The following MRPL21 variants were observed in gnomAD, a reference collection of about 807,000 sequenced individuals.
The protein encoded by MRPL21 is mitochondrial ribosomal protein L21, also known as large ribosomal subunit protein bL21m.
A neutral mutation model predicts 27.3 loss-of-function variants in MRPL21; 20 were observed. The ratio of observed to expected loss-of-function variants is 0.73; its 90% CI spans 0.52 to 1.06. The LOEUF (loss-of-function observed/expected upper bound fraction) is 1.06, where lower values mean the gene tolerates loss of function less well. Among genes scored for constraint, MRPL21 ranks in the 50% least tolerant of loss-of-function variants. MRPL21 has a pLI of 0.00. For synonymous variants in MRPL21, 98 were observed against 101.5 expected (o/e 0.97, Z 0.21); for missense variants, 249 against 251.4 (o/e 0.99, Z 0.06).
chr11:68,899,274 T>A (rs1365694847), intron 2 of MRPL21, among the ~76,000 whole-genome samples: 1 of 152,190 alleles, frequency 6.6e-6, no homozygotes, highest in Non-Finnish European at 1.5e-5. Flanking sequence ...TTTTTAAGCT[T>A]TTATTGCTGC....
At chr11:68,899,595 G>C (rs987205270) in intron 2 of MRPL21, among the ~76,000 whole-genome samples, 1 of 152,190 alleles carries the variant, frequency 6.6e-6, no homozygotes, top group Non-Finnish European at 1.5e-5. Flanking sequence ...TTGATGTCTA[G>C]TCTCCCCATA....
chr11:68,903,812 G>C lies in MRPL21; in HGVS notation c.-2C>G. 2 of 1,612,214 alleles carry C rather than the reference G, an allele frequency of 1.2e-6. No homozygotes were observed. Among genetic ancestry groups the C allele is most frequent in the Non-Finnish European group, 1.7e-6 (2 of 1,179,496 alleles). On this transcript the variant is annotated 5_prime_UTR_variant, in exon 1 of 7. Transcript: ENST00000362034. Reference sequence around the variant, plus strand: ...GACCGTCAGGGAAGATGCTGCCATGGCCGCAGCCTCGGCCGGAAACGGAAA... The same window carrying C: ...GACCGTCAGGGAAGATGCTGCCATGCCCGCAGCCTCGGCCGGAAACGGAAA...
chr11:68,893,491 C>T (rs1273253950), intron 4 of MRPL21, 36 bp from the exon 5 acceptor site: 1 of 1,613,918 alleles, frequency 6.2e-7, no homozygotes. Context: ...ATCAGTGGCT[C>T]ATTACGATGA....
intron 1 of MRPL21, among the ~76,000 whole-genome samples, chr11:68,901,061 T>C (rs1266704707): frequency 3.3e-5 from 5 of 152,130 alleles, no homozygotes; most frequent in African/African-American, 9.7e-5. Context: ...GGGACTTCCA[T>C]CTTGGATGCC....
chr11:68,901,766 G>A (rs1050503430), intron 1 of MRPL21, among the ~76,000 whole-genome samples: 2 of 152,138 alleles, frequency 1.3e-5, no homozygotes, highest in Non-Finnish European at 2.9e-5. Context: ...CTTCTCTCCT[G>A]GTTTTGCATA....
At chr11:68,892,747 G>C (rs1011878369) in intron 6 of MRPL21, 143 bp downstream of exon 6, 1 of 1,538,692 alleles carries the variant, frequency 6.5e-7, no homozygotes, top group Non-Finnish European at 8.7e-7. Flanking sequence ...CTAGGATGAG[G>C]GTGGCAAGTG....
intron 4 of MRPL21, among the ~76,000 whole-genome samples, chr11:68,894,405 T>C (rs905071635): frequency 2.0e-5 from 3 of 152,124 alleles, no homozygotes; most frequent in Non-Finnish European, 4.4e-5. Context: ...CTCAGCCCCC[T>C]GAGTAGCTGG....
intron 3 of MRPL21, 104 bp from the exon 4 acceptor site, chr11:68,896,782 C>G (rs3802749): frequency 1.4e-6 from 2 of 1,470,516 alleles, no homozygotes; most frequent in Non-Finnish European, 1.9e-6. Flanking sequence ...GTGGACCTGA[C>G]AGCCAGCACC....
chr11:68,892,606 G>A, intron 6 of MRPL21: 1 of 1,379,292 alleles, frequency 7.3e-7, no homozygotes, highest in South Asian at 1.5e-5. Context: ...GGGGTCACGC[G>A]CGGAGGGTGG....
intron 2 of MRPL21, 49 bp from the exon 3 acceptor site, chr11:68,898,061 G>A: frequency 6.9e-7 from 1 of 1,453,630 alleles, no homozygotes; most frequent in Non-Finnish European, 9.7e-7. Flanking sequence ...TGAAAAGGCA[G>A]CTCAAATCCT....
Position 68,896,683 on chromosome 11 carries a change from A to G in MRPL21, c.233-5T>C, listed in dbSNP as rs780556896. On this transcript the variant is annotated splice_polypyrimidine_tract_variant and splice_region_variant and intron_variant, in intron 3 of 6. Transcript: ENST00000362034. ...CATTCACCTTCTTCACGACCTCTGC[A>G]GGGGAAGGCGGGTGGGTGGGCAGTC... is the stretch of plus-strand genomic sequence containing the variant. 2 of 1,583,016 alleles carry G rather than the reference A, an allele frequency of 1.3e-6. No individual in the cohort carries two copies. Among genetic ancestry groups the G allele is most frequent in the African/African-American group, 2.7e-5 (2 of 74,034 alleles).
At chr11:68,895,956 G>A (rs1379565704) in intron 4 of MRPL21, among the ~76,000 whole-genome samples, 1 of 152,208 alleles carries the variant, frequency 6.6e-6, no homozygotes, top group African/African-American at 2.4e-5. Flanking sequence ...TGGGTCACCA[G>A]TGTGAGCCAC....
rs528450189 is a variant in MRPL21 at position 68,892,152 on chromosome 11, G to A, written c.553+738C>T. ...GCGGAGGGTGGAGGAGAAGGGGAGCGAGGTGGGTTCACGCGCGGAGGGTGG... is the reference window on the plus strand; with the variant it reads ...GCGGAGGGTGGAGGAGAAGGGGAGCAAGGTGGGTTCACGCGCGGAGGGTGG... On this transcript the variant is annotated intron_variant, in intron 6 of 6. Coordinates refer to ENST00000362034, the MANE Select transcript of MRPL21 (RefSeq NM_181514.2). 2,827 of 951,734 alleles carry A rather than the reference G, an allele frequency of 3.0e-3. 186 individuals carry two copies. The African/African-American group carries it at 0.072, about 24-fold the overall frequency. 59.0% of individuals were successfully genotyped at this position (951,734 alleles called of 1,614,324 possible).
chr11:68,902,908 T>C (rs2154006224), intron 1 of MRPL21, among the ~76,000 whole-genome samples: 1 of 152,300 alleles, frequency 6.6e-6, no homozygotes, highest in East Asian at 1.9e-4. Context: ...ATGTCCCCTT[T>C]TCAGGTTGGC....
chr11:68,898,969 G>A (rs1594407045), intron 2 of MRPL21, among the ~76,000 whole-genome samples: 1 of 152,168 alleles, frequency 6.6e-6, no homozygotes, highest in South Asian at 2.1e-4. Context: ...TGTATTTTTA[G>A]TAGAGATGGG....
intron 1 of MRPL21, among the ~76,000 whole-genome samples, chr11:68,901,349 C>T (rs1857930167): frequency 1.3e-5 from 2 of 152,278 alleles, no homozygotes; most frequent in East Asian, 3.9e-4. Context: ...ATGTTTTAAG[C>T]TGCTAAGTTT....
At chr11:68,899,413 GGC>G (rs1857880916) in intron 2 of MRPL21, among the ~76,000 whole-genome samples, 1 of 152,178 alleles carries the variant, frequency 6.6e-6, no homozygotes, top group Non-Finnish European at 1.5e-5. Flanking sequence ...CCTGTTGGCT[GGC>G]GCGCAGGAGG....
At position 68,900,647 on chromosome 11, in the gene MRPL21, A is replaced by T. The variant is rs1423649342; in HGVS notation, c.89-42T>A. ...AACACAGATCATTACCATTAATACT[A>T]CAAATGCAAACTGCCCTTTATGATG... On this transcript the variant is annotated intron_variant, in intron 1 of 6. Coordinates refer to ENST00000362034, the MANE Select transcript of MRPL21 (RefSeq NM_181514.2). The T allele has an allele frequency of 2.6e-6, 4 of 1,516,010 alleles. No homozygotes were observed. In the African/African-American group the frequency reaches 5.5e-5, roughly 21 times the overall value. The allele number at this position is 1,516,010 out of a possible 1,614,324, so 93.9% of individuals were successfully genotyped here. A position where few individuals can be genotyped will look rare whatever the true frequency, so the allele number is the denominator to read the frequency against.
chr11:68,902,745 A>G (rs1857990384), intron 1 of MRPL21, among the ~76,000 whole-genome samples: 1 of 152,210 alleles, frequency 6.6e-6, no homozygotes, highest in African/African-American at 2.4e-5. Context: ...TGTATCTACC[A>G]TTATATCATA....
Sources: gnomAD v4.1 joint callset for allele counts (sites outside exome capture counted in the v4.1 genomes callset) on GRCh38, gnomAD v4.1.1 for gene constraint, MANE v1.5 for transcripts, NCBI Gene and HGNC (gene_info 2026-07-23, HGNC 2026-07-21) for gene names.